GLT8D2: variants seen among roughly 807,000 people sequenced by gnomAD.
The protein encoded by GLT8D2 is glycosyltransferase 8 domain-containing protein 2.
A neutral mutation model predicts 44.5 loss-of-function variants in GLT8D2; 45 were observed. The observed-to-expected ratio is 1.01, with a 90% CI of 0.80 to 1.30. The LOEUF is 1.30. Ranked by LOEUF, GLT8D2 falls within the 50% of genes most tolerant of loss-of-function variation. The pLI is 0.00. For missense variants in GLT8D2, 400 were observed against 430.4 expected, an observed-to-expected ratio of 0.93 and a Z score of 0.62; for synonymous variants, 156 against 157.2, an observed-to-expected ratio of 0.99 and a Z score of 0.06.
At chr12:104,032,550 A>G (rs1294704268) in intron 1 of GLT8D2, among the ~76,000 whole-genome samples, 2 of 151,862 alleles carry the variant, frequency 1.3e-5, no homozygotes, top group East Asian at 1.9e-4. Context: ...GCCAAGAGGT[A>G]TATGAAAAGA....
At chr12:104,050,963 C>A (rs904509190), upstream of GLT8D2, among the ~76,000 whole-genome samples, 29 of 149,904 alleles carry the variant, frequency 1.9e-4, no homozygotes, top group African/African-American at 6.9e-4. Flanking sequence ...TACAGGCGCC[C>A]ACCACTACAC....
At chr12:103,991,711 CTT>C (rs1044070061) in intron 10 of GLT8D2, among the ~76,000 whole-genome samples, 3 of 151,126 alleles carry the variant, frequency 2.0e-5, no homozygotes, top group Admixed American at 6.6e-5. Flanking sequence ...CTGTGGCACT[CTT>C]TTGTGCATAT....
At chr12:103,997,594 G>C in intron 6 of GLT8D2, 59 bp from the exon 7 acceptor site, 2 of 1,214,964 alleles carry the variant, frequency 1.6e-6, no homozygotes, top group South Asian at 2.4e-5. Flanking sequence ...AGTGTCTTCT[G>C]GGGGTACTGG....
At chr12:104,023,983 C>A (rs1353308766) in intron 1 of GLT8D2, among the ~76,000 whole-genome samples, 1 of 152,160 alleles carries the variant, frequency 6.6e-6, no homozygotes, top group Non-Finnish European at 1.5e-5. Context: ...ATGAATAATA[C>A]TTCTGTAAAC....
At chr12:103,998,320 G>A (rs1317410341) in intron 6 of GLT8D2, among the ~76,000 whole-genome samples, 15 of 149,406 alleles carry the variant, frequency 1.0e-4, no homozygotes, top group Admixed American at 6.7e-4. Context: ...CTACAGCCTC[G>A]AACTCCCAGA....
intron 1 of GLT8D2, among the ~76,000 whole-genome samples, chr12:104,026,531 C>T (rs1334094660): frequency 1.3e-5 from 2 of 152,074 alleles, no homozygotes; most frequent in Non-Finnish European, 1.5e-5. Flanking sequence ...ATGTATCTAT[C>T]TATATGCTTA....
intron 3 of GLT8D2, 138 bp downstream of exon 3, chr12:104,019,492 G>C: frequency 1.5e-6 from 1 of 681,786 alleles, no homozygotes; most frequent in African/African-American, 1.8e-5. Flanking sequence ...AAATGATGAT[G>C]CCAAAAAGTG....
chr12:104,026,797 G>A (rs1216299717), intron 1 of GLT8D2, among the ~76,000 whole-genome samples: 2 of 152,152 alleles, frequency 1.3e-5, no homozygotes, highest in Admixed American at 1.3e-4. Flanking sequence ...AATTTGCCAT[G>A]AAAAACAATT....
At chr12:104,021,945 GAAGAA>G (rs1566202507) in intron 1 of GLT8D2, among the ~76,000 whole-genome samples, 869 of 24,098 alleles carry the variant, frequency 0.036, 103 homozygotes, top group East Asian at 0.22. Context: ...AGAAGAAGAA[GAAGAA>G]GAAGAGGAAG....
At position 103,989,527 on chromosome 12, in the gene GLT8D2, A is replaced by G; in HGVS notation, c.931T>C (p.Leu311=). 1 of 1,613,546 alleles carries G rather than the reference A, an allele frequency of 6.2e-7. No homozygotes were observed. ...TTATGTCTTCCATTCCAGTGGAGTA[A>G]TTTAGCTTCCTGCAGAAAATGCTCC... ...YSEHFLQEAK[L]LHWNGRHKPW... Residue 311 remains leucine (L), a synonymous_variant, in exon 11 of 11, where the codon TTA becomes CTA. Coordinates refer to ENST00000360814, the MANE Select transcript of GLT8D2 (RefSeq NM_001384711.1).
chr12:103,997,483 A>C lies in GLT8D2; in HGVS notation c.455T>G (p.Val152Gly). 1 of 1,613,846 alleles carries C rather than the reference A, an allele frequency of 6.2e-7. No individual in the cohort carries two copies. The highest frequency in any genetic ancestry group is 8.5e-7 in the Non-Finnish European group (1 of 1,179,760). Residue 152 changes from valine (V) to glycine (G), a missense_variant, in exon 7 of 11, where the codon GTC (valine) becomes GGC (glycine). Coordinates refer to ENST00000360814, the MANE Select transcript of GLT8D2 (RefSeq NM_001384711.1). ...AATTACATCATCGTCCAAATAGATG[A>C]CTTTCTCGTGTTGGTGGATAAGTAG... is the stretch of plus-strand genomic sequence containing the variant. Reference protein sequence around the residue: ...LPLLIHQHEKVIYLDDDVIVQ... With the variant: ...LPLLIHQHEKGIYLDDDVIVQ...
chr12:104,023,841 C>A (rs138786101), intron 1 of GLT8D2, among the ~76,000 whole-genome samples: 1 of 152,276 alleles, frequency 6.6e-6, no homozygotes, highest in African/African-American at 2.4e-5. Flanking sequence ...TTTTGAGATT[C>A]ATACTAGCTA....
chr12:104,041,446 C>A (rs566415388), intron 1 of GLT8D2, among the ~76,000 whole-genome samples: 5 of 151,954 alleles, frequency 3.3e-5, no homozygotes, highest in Admixed American at 6.6e-5. Flanking sequence ...TGTGGTGGCA[C>A]GCACCTGTGA....
chr12:103,991,576 G>C (rs916073211), intron 10 of GLT8D2, among the ~76,000 whole-genome samples: 11 of 152,114 alleles, frequency 7.2e-5, no homozygotes, highest in Non-Finnish European at 1.2e-4. Flanking sequence ...CTGCATAACT[G>C]TTCCTACACA....
chr12:104,038,163 T>C (rs1423199423), intron 1 of GLT8D2, among the ~76,000 whole-genome samples: 1 of 152,134 alleles, frequency 6.6e-6, no homozygotes, highest in Non-Finnish European at 1.5e-5. Flanking sequence ...TAAGAGCTAT[T>C]TATGACAAAC....
At chr12:104,001,775 C>T (rs918594738) in intron 5 of GLT8D2, among the ~76,000 whole-genome samples, 2 of 152,154 alleles carry the variant, frequency 1.3e-5, no homozygotes, top group Non-Finnish European at 2.9e-5. Flanking sequence ...ACGATCTCAG[C>T]TCACTGCAAC....
chr12:104,002,901 C>T (rs1032416950), intron 5 of GLT8D2, among the ~76,000 whole-genome samples: 3 of 151,846 alleles, frequency 2.0e-5, no homozygotes, highest in African/African-American at 7.3e-5. Context: ...GCTGTGATTG[C>T]GCCACCGCAC....
intron 4 of GLT8D2, among the ~76,000 whole-genome samples, chr12:104,007,271 C>T (rs75071153): frequency 8.2e-5 from 5 of 60,690 alleles, no homozygotes; most frequent in South Asian, 6.5e-4. Context: ...TCTCTCCCCC[C>T]GCTCTCTCCA....
At chr12:104,043,920 C>T (rs1880825672) in intron 1 of GLT8D2, among the ~76,000 whole-genome samples, 1 of 152,204 alleles carries the variant, frequency 6.6e-6, no homozygotes, top group Non-Finnish European at 1.5e-5. Flanking sequence ...GTGGCTCCAC[C>T]CTGGCACATT....
Sources: gnomAD v4.1 joint callset for allele counts (sites outside exome capture counted in the v4.1 genomes callset) on GRCh38, gnomAD v4.1.1 for gene constraint, MANE v1.5 for transcripts, NCBI Gene and HGNC (gene_info 2026-07-23, HGNC 2026-07-21) for gene names.